The following CYP17A1 variants were observed in gnomAD, a reference collection of about 807,000 sequenced individuals.
The protein encoded by CYP17A1 is steroid 17-alpha-hydroxylase/17,20 lyase.
Under a neutral mutation model 38.5 loss-of-function variants are expected in CYP17A1, and 27 were observed. That is an observed-to-expected ratio of 0.70 (90% CI 0.52 to 0.97). The LOEUF is 0.97. Ranked by LOEUF, CYP17A1 falls within the 50% of genes least tolerant of loss-of-function variation. CYP17A1 has a pLI of 0.00. For missense variants in CYP17A1, 549 were observed against 645.9 expected, an observed-to-expected ratio of 0.85 and a Z score of 1.63; for synonymous variants, 263 against 253.3, an observed-to-expected ratio of 1.04 and a Z score of -0.36.
At position 102,832,641 on chromosome 10, in the gene CYP17A1, C is replaced by T; in HGVS notation, c.1009G>A (p.Gly337Ser). The T allele has an allele frequency of 6.2e-7, 1 of 1,608,988 alleles. No individual in the cohort carries two copies. The highest frequency in any genetic ancestry group is 8.5e-7 in the Non-Finnish European group (1 of 1,175,240). ...CTGATAGTTGGTGTGCGGCTGAAACCCACATTCTGGTCAATCTCCTCGTAG... is the reference window on the plus strand; with the variant it reads ...CTGATAGTTGGTGTGCGGCTGAAACTCACATTCTGGTCAATCTCCTCGTAG... The part of the protein sequence containing the change: ...KLYEEIDQNV[G>S]FSRTPTISDR... The change falls in exon 6 of 8, where the codon GGT becomes AGT. Residue 337 changes from glycine to serine, a missense_variant. Gly to Ser is a moderately conservative substitution (Grantham distance 56, BLOSUM62 0). Around this residue, in one of 3 missense-constraint regions of CYP17A1, gnomAD observed 257 missense variants for 307.9 expected, o/e 0.83. Transcript: ENST00000369887.
chr10:102,830,606 G>A lies in CYP17A1; in HGVS notation c.*96C>T. 1.3e-6 allele frequency: 1 copy of A among 742,410 alleles called. No homozygotes were observed. Among genetic ancestry groups the A allele is most frequent in the Non-Finnish European group, 2.4e-6 (1 of 419,690 alleles). 46.0% of individuals were successfully genotyped at this position (742,410 alleles called of 1,614,324 possible). ...TGAAAAAGAAGGCAGAGTGGGTTGG[G>A]AGTAGGGAAGAATGGCGGAGAAGGG... On this transcript the variant is annotated 3_prime_UTR_variant, in exon 8 of 8. Transcript: ENST00000369887. This position sits in a 1 kb window ranked among gnomAD's most constrained non-coding sequence, Gnocchi z 4.1.
intron 6 of CYP17A1, among the ~76,000 whole-genome samples, 153 bp downstream of exon 6, chr10:102,832,358 C>T (rs1355439266): frequency 6.6e-6 from 1 of 152,138 alleles, no homozygotes; most frequent in African/African-American, 2.4e-5. Context: ...AGGTGTGAGC[C>T]ACCGTGCCCG....
intron 1 of CYP17A1, 37 bp from the exon 2 acceptor site, chr10:102,835,429 C>T (rs1327173863): frequency 2.5e-6 from 4 of 1,579,490 alleles, no homozygotes; most frequent in Admixed American, 3.3e-5. Context: ...AATCTCACAC[C>T]ATCCACCCCA....
intron 4 of CYP17A1, 186 bp from the exon 5 acceptor site, chr10:102,833,394 G>A: frequency 8.7e-7 from 1 of 1,146,822 alleles, no homozygotes; most frequent in South Asian, 1.5e-5. Flanking sequence ...ATTTGGTGGA[G>A]AGGTTAGGTC....
chr10:102,831,276 G>A (rs1353292157), intron 7 of CYP17A1, among the ~76,000 whole-genome samples: 4 of 152,226 alleles, frequency 2.6e-5, no homozygotes, highest in South Asian at 2.1e-4. Context: ...AGACAGAGGC[G>A]TAGAGGGCTT....
intron 1 of CYP17A1, chr10:102,836,599 C>T (rs45463800): frequency 0.017 from 2,975 of 172,448 alleles, 81 homozygotes; most frequent in South Asian, 0.12. Context: ...AGCAGCAATC[C>T]CAGCCTGCAA....
chr10:102,836,762 T>G, intron 1 of CYP17A1: 1 of 460,822 alleles, frequency 2.2e-6, no homozygotes, highest in East Asian at 4.4e-5. Context: ...CTCAGTCCAT[T>G]AGAGAAGTCT....
chr10:102,837,308 G>A lies in CYP17A1; in HGVS notation c.54C>T (p.Pro18=). ...ACTTGGCACCAGGGCACCTTCTCTT[G>A]GGCCAAAACAAATAAGCTAGGGTAA... ...LLLTLAYLFW[P]KRRCPGAKYP... The change falls in exon 1 of 8, where the codon CCC becomes CCT. Residue 18 remains proline (P), a synonymous_variant. Transcript: ENST00000369887. 1 of 1,611,564 alleles carries A rather than the reference G, an allele frequency of 6.2e-7. No homozygotes were observed. Among genetic ancestry groups the A allele is most frequent in the Non-Finnish European group, 8.5e-7 (1 of 1,177,654 alleles).
Position 102,835,131 on chromosome 10 carries a change from C to G in CYP17A1, c.437-117G>C, listed in dbSNP as rs2134084093. Reference sequence around the variant, plus strand: ...ATAGCAGATGGCCACTAGATGGCAGCAGTAGCCAAGAAAAGGCTGCATTGC... The same window carrying G: ...ATAGCAGATGGCCACTAGATGGCAGGAGTAGCCAAGAAAAGGCTGCATTGC... On this transcript the variant is annotated intron_variant, in intron 2 of 7. Coordinates refer to ENST00000369887, the MANE Select transcript of CYP17A1 (RefSeq NM_000102.4). The G allele has an allele frequency of 2.7e-6, 3 of 1,093,452 alleles. No individual in the cohort carries two copies. The South Asian group carries it at 3.8e-5, about 14-fold the overall frequency. 67.7% of individuals were successfully genotyped at this position (1,093,452 alleles called of 1,614,324 possible).
chr10:102,832,853 A>C, intron 5 of CYP17A1, 140 bp downstream of exon 5: 1 of 1,514,158 alleles, frequency 6.6e-7, no homozygotes, highest in Non-Finnish European at 9.0e-7. Context: ...CTCTGGGGTC[A>C]AAGCCAACTA....
At chr10:102,832,104 C>T (rs1031275633) in intron 6 of CYP17A1, among the ~76,000 whole-genome samples, 3 of 151,848 alleles carry the variant, frequency 2.0e-5, no homozygotes, top group Non-Finnish European at 4.4e-5. Context: ...GACAGAGTCC[C>T]GCTCTGTCAC....
Position 102,833,117 on chromosome 10 carries a change from T to C in CYP17A1, c.845A>G (p.Gln282Arg). 1 of 1,614,174 alleles carries C rather than the reference T, an allele frequency of 6.2e-7. No homozygotes were observed. Among genetic ancestry groups the C allele is most frequent in the Non-Finnish European group, 8.5e-7 (1 of 1,180,030 alleles). The change falls in exon 5 of 8, where the codon CAA becomes CGA. Residue 282 changes from glutamine to arginine, a missense_variant. Transcript: ENST00000369887. ...NSDNGNAGPD[Q>R]DSELLSDNHI... ...GTTATCTGAAAGCAGCTCTGAGTCT[T>C]GATCTGGGCCAGCATTGCCATTATC...
chr10:102,834,522 A>G, intron 3 of CYP17A1: 2 of 590,884 alleles, frequency 3.4e-6, no homozygotes, highest in Non-Finnish European at 6.0e-6. Flanking sequence ...ATGAATGCGT[A>G]TAGAATGCTT....
intron 3 of CYP17A1, 116 bp downstream of exon 3, chr10:102,834,669 G>T (rs1844136032): frequency 1.4e-6 from 2 of 1,445,642 alleles, no homozygotes; most frequent in Non-Finnish European, 1.9e-6. Context: ...AGGTGGCGGA[G>T]GTAATCAGGA....
intron 7 of CYP17A1, 67 bp from the exon 8 acceptor site, chr10:102,831,052 G>C: frequency 9.2e-7 from 1 of 1,081,670 alleles, no homozygotes; most frequent in Non-Finnish European, 1.4e-6. Flanking sequence ...GTTCTGCCCT[G>C]GTTGAGGGGG....
rs1844088328 is a variant in CYP17A1, at chr10:102,831,513, A to G, written c.1238T>C (p.Met413Thr). The change falls in exon 7 of 8, where the codon ATG becomes ACG. Residue 413 changes from methionine (M) to threonine (T), a missense_variant. Physicochemically the swap from Met to Thr is moderately conservative, Grantham distance 81. This residue lies in a region of CYP17A1 where 257 missense variants were observed against 307.9 expected (regional missense o/e 0.83). Coordinates refer to ENST00000369887, the MANE Select transcript of CYP17A1 (RefSeq NM_000102.4). ...GCAGGACAGGACAGACTCACCAGGC[A>G]TGAACTGATCCGGCTGGTGCCACTC... The part of the protein sequence containing the change: ...EKEWHQPDQF[M>T]PERFLNPAGT... 4 of 1,614,010 alleles carry G rather than the reference A, an allele frequency of 2.5e-6. No homozygotes were observed. The East Asian group carries it at 8.9e-5, about 36-fold the overall frequency.
At chr10:102,833,319 T>A in intron 4 of CYP17A1, 111 bp from the exon 5 acceptor site, 1 of 1,585,010 alleles carries the variant, frequency 6.3e-7, no homozygotes, top group South Asian at 1.1e-5. Flanking sequence ...CACTTGGAAG[T>A]AGAGCAAGTC....
rs749406474 is a variant in CYP17A1 at position 102,830,857 on chromosome 10, AG to A, written c.1371del (p.Trp458GlyfsTer28). 1.9e-6 allele frequency: 3 copies of A among 1,595,134 alleles called. No individual in the cohort carries two copies. On this transcript the variant is annotated frameshift_variant, in exon 8 of 8. Transcript: ENST00000369887. LOFTEE classifies it high-confidence loss of function. The surrounding 1 kb of genome is among the most constrained non-coding windows in gnomAD (Gnocchi z 4.1). ...TCCAGGTCGAACCTCTGCAGCAGCCAGGCCATGATGAGGAAGAGCTCCTGGC... is the reference window on the plus strand; with the variant it reads ...TCCAGGTCGAACCTCTGCAGCAGCCAGCCATGATGAGGAAGAGCTCCTGGC... ...LARQELFLIM[A>X]WLLQRFDLEV...
chr10:102,831,544 C>G lies in CYP17A1; in HGVS notation c.1207G>C (p.Glu403Gln). The change falls in exon 7 of 8, where the codon GAG becomes CAG. Residue 403 changes from glutamate to glutamine, a missense_variant. By Grantham distance (29) the Glu-to-Gln change is conservative. Around this residue, in one of 3 missense-constraint regions of CYP17A1, gnomAD observed 257 missense variants for 307.9 expected, o/e 0.83. Coordinates refer to ENST00000369887, the MANE Select transcript of CYP17A1 (RefSeq NM_000102.4). ...TGATCCGGCTGGTGCCACTCCTTCT[C>G]ATTGTGATGCAGCGCCCACAGATTG... ...IINLWALHHN[E>Q]KEWHQPDQFM... 1 of 1,614,026 alleles carries G rather than the reference C, an allele frequency of 6.2e-7. No individual in the cohort carries two copies. Among genetic ancestry groups the G allele is most frequent in the South Asian group, 1.1e-5 (1 of 91,080 alleles).
Sources: gnomAD v4.1 joint callset for allele counts (sites outside exome capture counted in the v4.1 genomes callset) on GRCh38, gnomAD v4.1.1 for gene constraint, gnomAD v4.1.1 regional missense constraint, Gnocchi (gnomAD v3.1) non-coding constraint, MANE v1.5 for transcripts, NCBI Gene and HGNC (gene_info 2026-07-23, HGNC 2026-07-21) for gene names.